Variants in UBE4A observed in about 807,000 individuals in gnomAD.
UBE4A encodes ubiquitination factor E4A.
UBE4A carries 48 observed loss-of-function variants against 117.9 expected under a neutral mutation model. That is an observed-to-expected ratio of 0.41 (90% CI 0.32 to 0.52). The LOEUF is 0.52. UBE4A is among the 20% of genes least tolerant of loss of function. The pLI, the probability that UBE4A is intolerant of heterozygous loss-of-function variation, is 0.33. For synonymous variants in UBE4A, 407 were observed against 450.0 expected (o/e 0.90, Z 1.21); for missense variants, 1,067 against 1,296.3 (o/e 0.82, Z 2.72).
chr11:118,374,383 A>G (rs1303229497), intron 8 of UBE4A, among the ~76,000 whole-genome samples: 1 of 152,232 alleles, frequency 6.6e-6, no homozygotes, highest in Non-Finnish European at 1.5e-5. Flanking sequence ...TCTGGCCAAC[A>G]TGAGGCATTG....
At position 118,389,893 on chromosome 11, in the gene UBE4A, ACTTAAAT is replaced by A; in HGVS notation, c.2760_2766del (p.Asn921GlyfsTer29). The A allele has an allele frequency of 6.3e-7, 1 of 1,589,474 alleles. No homozygotes were observed. The highest frequency in any genetic ancestry group is 1.7e-5 in the Admixed American group (1 of 59,574). On this transcript the variant is annotated frameshift_variant, in exon 17 of 20. Transcript: ENST00000252108. LOFTEE classifies it high-confidence loss of function. ...CTTGTATCAGATATCTGCACTATCT[ACTTAAAT>A]CTTGGGTACCTGAGATTGAAATCTG...
chr11:118,397,916 A>G lies in UBE4A; in HGVS notation c.*1476A>G, dbSNP rs1198847103. ...CCTAGATATAAAATAGGTGTTGCCT[A>G]TTGCTGTGCTTATAAAATGAAAAAG... On this transcript the variant is annotated 3_prime_UTR_variant, in exon 20 of 20. Coordinates refer to ENST00000252108, the MANE Select transcript of UBE4A (RefSeq NM_001204077.2). 2 of 152,252 alleles carry G rather than the reference A, an allele frequency of 1.3e-5. No homozygotes were observed. Among genetic ancestry groups the G allele is most frequent in the Non-Finnish European group, 2.9e-5 (2 of 68,026 alleles). 9.4% of individuals were successfully genotyped at this position (152,252 alleles called of 1,614,324 possible).
chr11:118,378,134 C>G (rs1451959619), intron 10 of UBE4A, among the ~76,000 whole-genome samples: 3 of 151,640 alleles, frequency 2.0e-5, no homozygotes, highest in Non-Finnish European at 4.4e-5. Context: ...GTAGTCCCAG[C>G]TACTCGGGAG....
At chr11:118,361,480 C>T (rs888960878) in intron 1 of UBE4A, among the ~76,000 whole-genome samples, 2 of 152,204 alleles carry the variant, frequency 1.3e-5, no homozygotes, top group African/African-American at 2.4e-5. Flanking sequence ...CAAAGGTTCT[C>T]ATCAAGTGAT....
intron 9 of UBE4A, among the ~76,000 whole-genome samples, chr11:118,375,569 C>T (rs1057369879): frequency 1.3e-5 from 2 of 151,878 alleles, no homozygotes; most frequent in African/African-American, 4.8e-5. Flanking sequence ...CCATGTTGGC[C>T]AGGATAGTCT....
At chr11:118,367,824 A>G (rs1282803792) in intron 2 of UBE4A, among the ~76,000 whole-genome samples, 2 of 152,124 alleles carry the variant, frequency 1.3e-5, no homozygotes, top group African/African-American at 4.8e-5. Context: ...TAAATGTTCA[A>G]GCTCTTTGAT....
At chr11:118,360,163 C>T (rs972719215) in intron 1 of UBE4A, among the ~76,000 whole-genome samples, 2 of 152,174 alleles carry the variant, frequency 1.3e-5, no homozygotes, top group Admixed American at 6.5e-5. Context: ...ATGAGTTCAC[C>T]ACAGATAACT....
At position 118,390,712 on chromosome 11, in the gene UBE4A, A is replaced by G. The variant is rs376716774; in HGVS notation, c.2824A>G (p.Thr942Ala). ...VPKDGRSYSP[T>A]LFAQTVRVLK... ...CAAGGATGGACGTTCCTATTCCCCAACTCTCTTTGCACAGACAGTTCGAGT... is the reference window on the plus strand; with the variant it reads ...CAAGGATGGACGTTCCTATTCCCCAGCTCTCTTTGCACAGACAGTTCGAGT... The change falls in exon 18 of 20, where the codon ACT becomes GCT. Residue 942 changes from threonine (T) to alanine (A), a missense_variant. Thr to Ala is a moderately conservative substitution (Grantham distance 58). This residue lies in a region of UBE4A where 1,001 missense variants were observed against 1,184.0 expected (regional missense o/e 0.85). Coordinates refer to ENST00000252108, the MANE Select transcript of UBE4A (RefSeq NM_001204077.2). 3.8e-6 allele frequency: 6 copies of G among 1,585,404 alleles called. No individual in the cohort carries two copies. In the South Asian group the frequency reaches 4.5e-5, roughly 12 times the overall value.
At chr11:118,378,304 ACAAAAGTGG>A in intron 10 of UBE4A, among the ~76,000 whole-genome samples, 1 of 152,198 alleles carries the variant, frequency 6.6e-6, no homozygotes, top group East Asian at 1.9e-4. Flanking sequence ...ACAGATAGAG[ACAAAAGTGG>A]CAAATATTAA....
intron 19 of UBE4A, among the ~76,000 whole-genome samples, chr11:118,394,029 A>G (rs1420966297): frequency 6.6e-6 from 1 of 152,246 alleles, no homozygotes; most frequent in Non-Finnish European, 1.5e-5. Flanking sequence ...CTGCCCCATT[A>G]TAACTATAGA....
intron 9 of UBE4A, among the ~76,000 whole-genome samples, chr11:118,375,749 T>A (rs556580071): frequency 1.4e-4 from 22 of 152,240 alleles, no homozygotes; most frequent in African/African-American, 5.1e-4. Flanking sequence ...CTCTCTGGAT[T>A]TGGCAGCCTT....
In UBE4A at chr11:118,386,485, AT is replaced by A; in HGVS notation, c.2461del (p.Trp821GlyfsTer4). 1.2e-6 allele frequency: 2 copies of A among 1,610,152 alleles called. No homozygotes were observed. The highest frequency in any genetic ancestry group is 1.7e-6 in the Non-Finnish European group (2 of 1,178,874). ...AGCAAATTGAGAAGGATCGAGGTGA[AT>A]GGGATAGTCTGACTCCAGAAGCCCG... is the stretch of plus-strand genomic sequence containing the variant. ...IQQIEKDRGE[W>X]DSLTPEARRE... On this transcript the variant is annotated frameshift_variant, in exon 16 of 20. Transcript: ENST00000252108. LOFTEE classifies it high-confidence loss of function.
intron 15 of UBE4A, among the ~76,000 whole-genome samples, chr11:118,385,231 C>G (rs782060993): frequency 6.6e-6 from 1 of 152,122 alleles, no homozygotes; most frequent in Non-Finnish European, 1.5e-5. Flanking sequence ...GTTGTACTGG[C>G]AGGAGTAATT....
At chr11:118,374,382 C>T (rs1314624683) in intron 8 of UBE4A, among the ~76,000 whole-genome samples, 1 of 152,206 alleles carries the variant, frequency 6.6e-6, no homozygotes, top group Non-Finnish European at 1.5e-5. Context: ...GTCTGGCCAA[C>T]ATGAGGCATT....
intron 9 of UBE4A, among the ~76,000 whole-genome samples, chr11:118,375,702 C>T (rs1948647026): frequency 6.6e-6 from 1 of 152,062 alleles, no homozygotes; most frequent in African/African-American, 2.4e-5. Context: ...AAAAAAACAC[C>T]TGGTAGCTTT....
chr11:118,368,304 T>G (rs1948581322), intron 2 of UBE4A, among the ~76,000 whole-genome samples: 1 of 152,226 alleles, frequency 6.6e-6, no homozygotes. Flanking sequence ...GCCATACATT[T>G]AAAATAATTA....
chr11:118,388,952 G>GC (rs1243813730), intron 16 of UBE4A, among the ~76,000 whole-genome samples: 1 of 151,898 alleles, frequency 6.6e-6, no homozygotes, highest in African/African-American at 2.4e-5. Context: ...CTAGGCACCA[G>GC]CAAGACCCTG....
intron 9 of UBE4A, 41 bp downstream of exon 9, chr11:118,375,270 G>A: frequency 6.7e-7 from 1 of 1,503,632 alleles, no homozygotes; most frequent in Non-Finnish European, 9.0e-7. Flanking sequence ...GTGTGTGTGT[G>A]TGTGTAACGT....
At chr11:118,370,074 A>G (rs1948597067) in intron 4 of UBE4A, among the ~76,000 whole-genome samples, 1 of 151,460 alleles carries the variant, frequency 6.6e-6, no homozygotes, top group South Asian at 2.1e-4. Flanking sequence ...CCTGGACAAC[A>G]GAGCAAGACT....
Sources: allele counts gnomAD v4.1 joint callset (sites outside exome capture counted in the v4.1 genomes callset), GRCh38; gene constraint gnomAD v4.1.1; regional missense constraint gnomAD v4.1.1; transcripts MANE v1.5; gene names NCBI Gene and HGNC (gene_info 2026-07-23, HGNC 2026-07-21).